KLF3: variants seen among roughly 807,000 people sequenced by gnomAD.
KLF3 encodes the protein KLF transcription factor 3.
KLF3 carries 6 observed loss-of-function variants against 32.7 expected under a neutral mutation model. The observed-to-expected ratio is 0.18, with a 90% CI of 0.10 to 0.36. The LOEUF (loss-of-function observed/expected upper bound fraction) is 0.36, where lower values mean the gene tolerates loss of function less well. Ranked by LOEUF, KLF3 falls within the 10% of genes least tolerant of loss-of-function variation. The pLI is 1.00. For missense variants in KLF3, 338 were observed against 449.7 expected, an observed-to-expected ratio of 0.75 and a Z score of 2.25; for synonymous variants, 145 against 172.8, an observed-to-expected ratio of 0.84 and a Z score of 1.26.
At chr4:38,669,595 A>G (rs1306911091) in intron 1 of KLF3, among the ~76,000 whole-genome samples, 1 of 152,092 alleles carries the variant, frequency 6.6e-6, no homozygotes, top group African/African-American at 2.4e-5. Flanking sequence ...TTCCAAAGCA[A>G]AAAAATAGTG....
In KLF3 at chr4:38,671,868, C is replaced by G. The variant is rs1189722116; in HGVS notation, c.-40+7407C>G. Among the ~76,000 whole-genome samples, 1 of 152,194 alleles carries G rather than the reference C, an allele frequency of 6.6e-6. No homozygotes were observed. The highest frequency in any genetic ancestry group is 1.5e-5 in the Non-Finnish European group (1 of 68,032). On this transcript the variant is annotated intron_variant, in intron 1 of 5. Coordinates refer to ENST00000261438, the MANE Select transcript of KLF3 (RefSeq NM_016531.6). The surrounding 1 kb of genome is among the most constrained non-coding windows in gnomAD (Gnocchi z 4.4). Reference sequence around the variant, plus strand: ...CCTTCCTTGATCCCTTTTCAAAAACCTGTGTTTGTGCACACACCCCTTCCC... The same window carrying G: ...CCTTCCTTGATCCCTTTTCAAAAACGTGTGTTTGTGCACACACCCCTTCCC...
chr4:38,665,992 A>G (rs1722025175), intron 1 of KLF3, among the ~76,000 whole-genome samples: 1 of 152,226 alleles, frequency 6.6e-6, no homozygotes, highest in African/African-American at 2.4e-5. Flanking sequence ...GAAAAGAGGT[A>G]TGTTAGTTGA....
In KLF3 at chr4:38,698,674, G is replaced by C. The variant is rs1031724091; in HGVS notation, c.*1411G>C. 1 of 152,164 alleles carries C rather than the reference G, an allele frequency of 6.6e-6. No homozygotes were observed. Among genetic ancestry groups the C allele is most frequent in the Non-Finnish European group, 1.5e-5 (1 of 68,012 alleles). 9.4% of individuals were successfully genotyped at this position (152,164 alleles called of 1,614,324 possible). ...CAGAACAAACTGAAAATAATGGCTC[G>C]TGTTTATGTTGAAGATAAATAGCAC... On this transcript the variant is annotated 3_prime_UTR_variant, in exon 6 of 6. Transcript: ENST00000261438.
chr4:38,693,107 CATATATATACATATATATATACGTGTAT>C (rs1458760265), intron 4 of KLF3, among the ~76,000 whole-genome samples: 1 of 41,278 alleles, frequency 2.4e-5, no homozygotes, highest in African/African-American at 9.3e-5. Context: ...TATATATGTA[CATATATATACATATATATATACGTGTAT>C]ATATATGTGT....
intron 2 of KLF3, among the ~76,000 whole-genome samples, chr4:38,683,407 C>T (rs1714374294): frequency 6.6e-6 from 1 of 152,080 alleles, no homozygotes; most frequent in African/African-American, 2.4e-5. Flanking sequence ...TCATACTGTT[C>T]TCCACTAGCC....
rs1723068317 is a variant in KLF3, at chr4:38,697,260, C to T, written c.1035C>T (p.Val345=). The T allele has an allele frequency of 6.2e-7, 1 of 1,605,854 alleles. No homozygotes were observed. The highest frequency in any genetic ancestry group is 1.3e-5 in the African/African-American group (1 of 74,836). The change falls in exon 6 of 6, where the codon GTC becomes GTT. Residue 345 remains valine (V), a synonymous_variant. Transcript: ENST00000261438. The part of the protein sequence containing the change: ...LALHRKRHML[V] ...TCCATAGGAAACGCCACATGCTAGTCTGATTGCCTCTGTGTCCTGCCTCAG... is the reference window on the plus strand; with the variant it reads ...TCCATAGGAAACGCCACATGCTAGTTTGATTGCCTCTGTGTCCTGCCTCAG...
intron 4 of KLF3, 108 bp downstream of exon 4, chr4:38,689,987 C>T (rs1042983554): frequency 1.5e-5 from 18 of 1,162,132 alleles, no homozygotes; most frequent in African/African-American, 1.2e-4. Flanking sequence ...TGACCAGGAA[C>T]GGCTTGTGAT....
chr4:38,688,435 T>C lies in KLF3; in HGVS notation c.58-150T>C. The C allele has an allele frequency of 1.3e-6, 1 of 754,470 alleles. No homozygotes were observed. The highest frequency in any genetic ancestry group is 2.6e-5 in the East Asian group (1 of 37,762). The allele number at this position is 754,470 out of a possible 1,614,324, so 46.7% of individuals were successfully genotyped here. A position where few individuals can be genotyped will look rare whatever the true frequency, so the allele number is the denominator to read the frequency against. On this transcript the variant is annotated intron_variant, in intron 2 of 5. Coordinates refer to ENST00000261438, the MANE Select transcript of KLF3 (RefSeq NM_016531.6). The surrounding 1 kb of genome is among the most constrained non-coding windows in gnomAD (Gnocchi z 4.9). The stretch of plus-strand genomic sequence containing the variant: ...TGTTGAGACCACCTCTTTGAGCATT[T>C]TTTTAAGGTCACATATATATCGAAA...
In KLF3 at chr4:38,674,644, G is replaced by A. The variant is rs1266353727; in HGVS notation, c.-39-5943G>A. On this transcript the variant is annotated intron_variant, in intron 1 of 5. Transcript: ENST00000261438. This position sits in a 1 kb window ranked among gnomAD's most constrained non-coding sequence, Gnocchi z 4.1. ...GGAAGGCAGGTGATTTGGAGCCTCGGGGTCAGTCCTGGGTTGGGGAAGATA... is the reference window on the plus strand; with the variant it reads ...GGAAGGCAGGTGATTTGGAGCCTCGAGGTCAGTCCTGGGTTGGGGAAGATA... 6.6e-6 allele frequency among the ~76,000 whole-genome samples: 1 copy of A among 152,072 alleles called. No individual in the cohort carries two copies. Among genetic ancestry groups the A allele is most frequent in the African/African-American group, 2.4e-5 (1 of 41,390 alleles).
chr4:38,667,278 A>C (rs1175267022), intron 1 of KLF3, among the ~76,000 whole-genome samples: 1 of 152,128 alleles, frequency 6.6e-6, no homozygotes, highest in East Asian at 1.9e-4. Context: ...TCTTTGTTTC[A>C]AGGCTGGGGT....
At chr4:38,664,661 A>G (rs994804007) in intron 1 of KLF3, 200 bp downstream of exon 1, 2 of 150,972 alleles carry the variant, frequency 1.3e-5, no homozygotes, top group Non-Finnish European at 3.0e-5. Context: ...GAGAGCAAGC[A>G]AGGAGGAGGG....
In KLF3 at chr4:38,701,000, A is replaced by G. The variant is rs915088661; in HGVS notation, c.*3737A>G. ...CCTCATATACTATATACAGTATGCA[A>G]TATATATTATATACTTGTTAATAAA... On this transcript the variant is annotated 3_prime_UTR_variant, in exon 6 of 6. Coordinates refer to ENST00000261438, the MANE Select transcript of KLF3 (RefSeq NM_016531.6). 9 of 152,222 alleles carry G rather than the reference A, an allele frequency of 5.9e-5. No individual in the cohort carries two copies. The highest frequency in any genetic ancestry group is 1.3e-4 in the Admixed American group (2 of 15,284). The allele number at this position is 152,222 out of a possible 1,614,324, so 9.4% of individuals were successfully genotyped here.
In KLF3 at chr4:38,697,414, A is replaced by G; in HGVS notation, c.*151A>G. On this transcript the variant is annotated 3_prime_UTR_variant, in exon 6 of 6. Coordinates refer to ENST00000261438, the MANE Select transcript of KLF3 (RefSeq NM_016531.6). ...AATTTATATCATCCAAAACTTCCATATGGTCAGTAGTAGATGTTCTCTAAT... is the reference window on the plus strand; with the variant it reads ...AATTTATATCATCCAAAACTTCCATGTGGTCAGTAGTAGATGTTCTCTAAT... 2.9e-6 allele frequency: 2 copies of G among 683,472 alleles called. No homozygotes were observed. 42.3% of individuals were successfully genotyped at this position (683,472 alleles called of 1,614,324 possible). A position where few individuals can be genotyped will look rare whatever the true frequency, so the allele number is the denominator to read the frequency against.
chr4:38,690,588 T>G (rs1397030080), intron 4 of KLF3: 1 of 152,228 alleles, frequency 6.6e-6, no homozygotes, highest in Non-Finnish European at 1.5e-5. Context: ...GCCCCATTTC[T>G]GTTTTCATTA....
intron 4 of KLF3, among the ~76,000 whole-genome samples, chr4:38,692,091 AC>A (rs1165836636): frequency 2.0e-5 from 3 of 152,208 alleles, no homozygotes; most frequent in Non-Finnish European, 2.9e-5. Flanking sequence ...AATATACAAA[AC>A]TATATTTAGA....
intron 2 of KLF3, chr4:38,681,131 A>T (rs915830912): frequency 5.8e-6 from 1 of 172,988 alleles, no homozygotes; most frequent in African/African-American, 2.4e-5. Flanking sequence ...GCCACCAGGT[A>T]TGAGTGAGCT....
chr4:38,693,919 A>G (rs1333055058), intron 4 of KLF3, among the ~76,000 whole-genome samples: 1 of 152,188 alleles, frequency 6.6e-6, no homozygotes, highest in Non-Finnish European at 1.5e-5. Flanking sequence ...TTTGGTTTCT[A>G]ATCCACCCAG....
chr4:38,674,656 G>A lies in KLF3; in HGVS notation c.-39-5931G>A, dbSNP rs776532804. Reference sequence around the variant, plus strand: ...ATTTGGAGCCTCGGGGTCAGTCCTGGGTTGGGGAAGATAATGCAGGCACCC... The same window carrying A: ...ATTTGGAGCCTCGGGGTCAGTCCTGAGTTGGGGAAGATAATGCAGGCACCC... On this transcript the variant is annotated intron_variant, in intron 1 of 5. Coordinates refer to ENST00000261438, the MANE Select transcript of KLF3 (RefSeq NM_016531.6). The surrounding 1 kb of genome is among the most constrained non-coding windows in gnomAD (Gnocchi z 4.1). Among the ~76,000 whole-genome samples, 3 of 152,096 alleles carry A rather than the reference G, an allele frequency of 2.0e-5. No homozygotes were observed. Among genetic ancestry groups the A allele is most frequent in the Non-Finnish European group, 4.4e-5 (3 of 68,018 alleles).
chr4:38,666,248 A>AC (rs1371440182), intron 1 of KLF3, among the ~76,000 whole-genome samples: 2 of 152,254 alleles, frequency 1.3e-5, no homozygotes, highest in African/African-American at 4.8e-5. Flanking sequence ...AACTGCTTAG[A>AC]CCACAAAACC....
Sources: allele counts gnomAD v4.1 joint callset (sites outside exome capture counted in the v4.1 genomes callset), GRCh38; gene constraint gnomAD v4.1.1; non-coding constraint Gnocchi (gnomAD v3.1); transcripts MANE v1.5; gene names NCBI Gene and HGNC (gene_info 2026-07-23, HGNC 2026-07-21).